The following TMEM132B variants were observed in gnomAD, a reference collection of about 807,000 sequenced individuals.
TMEM132B encodes transmembrane protein 132B.
Under a neutral mutation model 90.8 loss-of-function variants are expected in TMEM132B, and 18 were observed. The observed-to-expected ratio is 0.20, with a 90% confidence interval of 0.14 to 0.29. The LOEUF is 0.29. TMEM132B is among the 10% of genes least tolerant of loss of function. The pLI is 1.00. For synonymous variants in TMEM132B, 504 were observed against 523.3 expected (o/e 0.96, Z 0.50); for missense variants, 1,096 against 1,326.8 (o/e 0.83, Z 2.70).
In TMEM132B at chr12:125,614,508, T is replaced by C. The variant is rs541737509; in HGVS notation, c.1438-29568T>C. Among the ~76,000 whole-genome samples, 4 of 152,256 alleles carry C rather than the reference T, an allele frequency of 2.6e-5. No individual in the cohort carries two copies. In the South Asian group the frequency reaches 8.3e-4, roughly 32 times the overall value. Reference sequence around the variant, plus strand: ...ATATATCCCACATTTCTTTATCCAGTCTACCACTGATGGGCACCTGGGTAG... The same window carrying C: ...ATATATCCCACATTTCTTTATCCAGCCTACCACTGATGGGCACCTGGGTAG... On this transcript the variant is annotated intron_variant, in intron 5 of 8. Coordinates refer to ENST00000682704, the MANE Select transcript of TMEM132B (RefSeq NM_001366854.1).
intron 3 of TMEM132B, among the ~76,000 whole-genome samples, chr12:125,465,800 C>A (rs1458762485): frequency 2.6e-5 from 4 of 152,176 alleles, no homozygotes; most frequent in Non-Finnish European, 5.9e-5. Flanking sequence ...ATAAACAATT[C>A]TTTATCTTAA....
intron 3 of TMEM132B, among the ~76,000 whole-genome samples, chr12:125,503,288 G>C (rs902830536): frequency 6.6e-6 from 1 of 152,156 alleles, no homozygotes; most frequent in Non-Finnish European, 1.5e-5. Context: ...GTGAGTGTAC[G>C]GGGGACATAG....
intron 6 of TMEM132B, among the ~76,000 whole-genome samples, chr12:125,645,984 G>A (rs1886755827): frequency 6.6e-6 from 1 of 152,212 alleles, no homozygotes; most frequent in Non-Finnish European, 1.5e-5. Flanking sequence ...GTAGAAACGT[G>A]GGTGTTAAAG....
chr12:125,651,068 G>C (rs1021779890), intron 7 of TMEM132B, 115 bp downstream of exon 7: 2 of 1,363,464 alleles, frequency 1.5e-6, no homozygotes, highest in Admixed American at 2.1e-5. Flanking sequence ...GTATATCAAC[G>C]TGTGTCACTG....
At chr12:125,254,371 G>C (rs2136104880) in intron 1 of TMEM132B, among the ~76,000 whole-genome samples, 3 of 152,282 alleles carry the variant, frequency 2.0e-5, no homozygotes, top group Middle Eastern at 3.4e-3. Flanking sequence ...TCCTGATCAG[G>C]AGAACTTAAG....
In TMEM132B at chr12:125,583,833, C is replaced by T. The variant is rs750777916; in HGVS notation, c.1294-18C>T. The T allele has an allele frequency of 6.2e-7, 1 of 1,613,388 alleles. No homozygotes were observed. Among genetic ancestry groups the T allele is most frequent in the Non-Finnish European group, 8.5e-7 (1 of 1,179,712 alleles). On this transcript the variant is annotated intron_variant, in intron 4 of 8. Transcript: ENST00000682704. ...GTATGCACGTTTGCTGATCTGAGCC[C>T]TCTCCTCTCCTGTTTAGGACACCGA... is the stretch of plus-strand genomic sequence containing the variant.
intron 1 of TMEM132B, among the ~76,000 whole-genome samples, chr12:125,195,925 CA>C (rs536021201): frequency 5.3e-4 from 81 of 152,134 alleles, no homozygotes; most frequent in African/African-American, 1.9e-3. Flanking sequence ...GAGAGAACAG[CA>C]GGAGGAAAGG....
Position 125,191,661 on chromosome 12 carries a change from G to A in TMEM132B, c.67+4795G>A, listed in dbSNP as rs189978164. 4.6e-5 allele frequency among the ~76,000 whole-genome samples: 7 copies of A among 152,226 alleles called. No individual in the cohort carries two copies. In the East Asian group the frequency reaches 5.8e-4, roughly 13 times the overall value. On this transcript the variant is annotated intron_variant, in intron 1 of 8. Coordinates refer to ENST00000682704, the MANE Select transcript of TMEM132B (RefSeq NM_001366854.1). ...CTTTGCAACAAATAAATGTATTAAC[G>A]CAAACTAAGGCTTAGAGCCGTAGAA...
chr12:125,652,646 G>A lies in TMEM132B; in HGVS notation c.2106+14G>A, dbSNP rs1275093540. 2 of 1,602,648 alleles carry A rather than the reference G, an allele frequency of 1.2e-6. No homozygotes were observed. Among genetic ancestry groups the A allele is most frequent in the Non-Finnish European group, 1.7e-6 (2 of 1,174,148 alleles). The stretch of plus-strand genomic sequence containing the variant: ...TCCCCACAGCAGGTGAGCGTTCCAG[G>A]GGCCCTGCGTCCTTGGTCAGTGGGG... On this transcript the variant is annotated intron_variant, in intron 8 of 8. Coordinates refer to ENST00000682704, the MANE Select transcript of TMEM132B (RefSeq NM_001366854.1).
intron 3 of TMEM132B, among the ~76,000 whole-genome samples, chr12:125,433,652 C>T (rs1490409839): frequency 2.8e-5 from 4 of 140,806 alleles, no homozygotes; most frequent in African/African-American, 7.9e-5. Context: ...GTATATCTCC[C>T]GATGCTATCC....
intron 5 of TMEM132B, among the ~76,000 whole-genome samples, chr12:125,609,115 C>T (rs1885764925): frequency 6.6e-6 from 1 of 152,102 alleles, no homozygotes; most frequent in Non-Finnish European, 1.5e-5. Context: ...GTCTCAAGAA[C>T]ATCATGGGGG....
intron 1 of TMEM132B, among the ~76,000 whole-genome samples, chr12:125,190,481 G>C: frequency 7.5e-6 from 1 of 132,464 alleles, no homozygotes; most frequent in Admixed American, 7.4e-5. Context: ...GTGGTGGTGG[G>C]AAGGGGTGGT....
chr12:125,611,959 T>G (rs1885838984), intron 5 of TMEM132B, among the ~76,000 whole-genome samples: 1 of 152,140 alleles, frequency 6.6e-6, no homozygotes, highest in Non-Finnish European at 1.5e-5. Flanking sequence ...ATTTCCATGT[T>G]GATCTTCTTT....
At position 125,350,059 on chromosome 12, in the gene TMEM132B, G is replaced by T; in HGVS notation, c.675G>T (p.Thr225=). ...GCACCACGATGGAGCTCTTCTTCAC[G>T]CTCTACCCAGCTGACAAGGCTGGCC... ...LGGTTMELFF[T]LYPADKAGQC... Residue 225 remains threonine, a synonymous_variant, in exon 2 of 9, where the codon ACG becomes ACT. Coordinates refer to ENST00000682704, the MANE Select transcript of TMEM132B (RefSeq NM_001366854.1). 6.2e-7 allele frequency: 1 copy of T among 1,614,204 alleles called. No individual in the cohort carries two copies. The highest frequency in any genetic ancestry group is 8.5e-7 in the Non-Finnish European group (1 of 1,180,034).
At chr12:125,355,452 G>T (rs1877734611) in intron 2 of TMEM132B, among the ~76,000 whole-genome samples, 1 of 152,140 alleles carries the variant, frequency 6.6e-6, no homozygotes, top group Non-Finnish European at 1.5e-5. Context: ...GGAAGCAGAG[G>T]CAGAAAAGAG....
At chr12:125,580,599 G>T (rs1043533561) in intron 4 of TMEM132B, among the ~76,000 whole-genome samples, 1 of 152,290 alleles carries the variant, frequency 6.6e-6, no homozygotes, top group South Asian at 2.1e-4. Context: ...ATTTAAGCAG[G>T]TCAGGTTAAA....
At chr12:125,611,599 A>G (rs1228911753) in intron 5 of TMEM132B, among the ~76,000 whole-genome samples, 3 of 152,034 alleles carry the variant, frequency 2.0e-5, no homozygotes, top group African/African-American at 7.2e-5. Flanking sequence ...ATTTTGGTGT[A>G]CTGTGTCTTC....
rs1873760180 is a variant in TMEM132B, at chr12:125,229,272, T to C, written c.67+42406T>C. 2.0e-5 allele frequency among the ~76,000 whole-genome samples: 3 copies of C among 152,362 alleles called. No individual in the cohort carries two copies. The South Asian group carries it at 6.2e-4, about 32-fold the overall frequency. ...TTCTAGAAGTCTTTCTGGGGAATTC[T>C]TTAATATTTTAACACTTGATCCAGG... is the stretch of plus-strand genomic sequence containing the variant. On this transcript the variant is annotated intron_variant, in intron 1 of 8. Coordinates refer to ENST00000682704, the MANE Select transcript of TMEM132B (RefSeq NM_001366854.1).
At chr12:125,307,925 T>G (rs1483419552) in intron 1 of TMEM132B, among the ~76,000 whole-genome samples, 3 of 132,464 alleles carry the variant, frequency 2.3e-5, no homozygotes, top group Non-Finnish European at 3.1e-5. Context: ...TATACTTATA[T>G]TACTTAATAT....
Sources: gnomAD v4.1 joint callset for allele counts (sites outside exome capture counted in the v4.1 genomes callset) on GRCh38, gnomAD v4.1.1 for gene constraint, MANE v1.5 for transcripts, NCBI Gene and HGNC (gene_info 2026-07-23, HGNC 2026-07-21) for gene names.